Variants in ZNF343 observed in about 807,000 individuals in gnomAD.
ZNF343 encodes the protein zinc finger protein 343.
In ZNF343, 11 loss-of-function variants were observed where a neutral mutation model predicts 13.8. The observed-to-expected ratio is 0.80, with a 90% CI of 0.50 to 1.32. The LOEUF (loss-of-function observed/expected upper bound fraction) is 1.32. ZNF343 is among the 40% of genes most tolerant of loss of function. ZNF343 has a pLI of 0.00. For synonymous variants in ZNF343, 248 were observed against 260.0 expected (o/e 0.95, Z 0.44); for missense variants, 658 against 714.2 (o/e 0.92, Z 0.90).
chr20:2,502,463 G>A (rs1012369219), intron 1 of ZNF343, among the ~76,000 whole-genome samples: 50 of 152,096 alleles, frequency 3.3e-4, no homozygotes, highest in African/African-American at 1.2e-3. Context: ...TACAGAGAAC[G>A]CCACAAAGAT....
upstream of ZNF343, among the ~76,000 whole-genome samples, chr20:2,511,365 T>G (rs74905260): frequency 6.6e-6 from 1 of 152,022 alleles, no homozygotes; most frequent in Non-Finnish European, 1.5e-5. Flanking sequence ...CCACCTCAGC[T>G]TCCCAAAGTG....
intron 5 of ZNF343, chr20:2,492,132 G>T: frequency 6.4e-6 from 1 of 155,496 alleles, no homozygotes; most frequent in South Asian, 2.0e-4. Context: ...CATAGTTTAT[G>T]AAACCCCCAA....
At position 2,481,897 on chromosome 20, in the gene ZNF343, A is replaced by ATTT; in HGVS notation, c.*1263_*1264insAAA. 1 of 152,358 alleles carries ATTT rather than the reference A, an allele frequency of 6.6e-6. No individual in the cohort carries two copies. Among genetic ancestry groups the ATTT allele is most frequent in the East Asian group, 1.9e-4 (1 of 5,188 alleles). The allele number at this position is 152,358 out of a possible 1,614,324, so 9.4% of individuals were successfully genotyped here. On this transcript the variant is annotated 3_prime_UTR_variant, in exon 6 of 6. Coordinates refer to ENST00000278772, the MANE Select transcript of ZNF343 (RefSeq NM_024325.6). Reference sequence around the variant, plus strand: ...AGAAAAGAATGCTTATTTAACAGTTACTGCCATCTTCGCTCACATACAGAG... The same window carrying ATTT: ...AGAAAAGAATGCTTATTTAACAGTTATTTCTGCCATCTTCGCTCACATACAGAG...
At chr20:2,487,935 A>T (rs1314801864) in intron 5 of ZNF343, among the ~76,000 whole-genome samples, 3 of 152,234 alleles carry the variant, frequency 2.0e-5, no homozygotes, top group African/African-American at 7.2e-5. Context: ...CAAACATTTA[A>T]GGGACAATGT....
chr20:2,491,626 T>C (rs1254729832), intron 5 of ZNF343, among the ~76,000 whole-genome samples: 1 of 152,290 alleles, frequency 6.6e-6, no homozygotes, highest in Non-Finnish European at 1.5e-5. Context: ...TTATATTAAA[T>C]TCAAATTTCA....
At chr20:2,507,934 C>A (rs1351251309) in intron 1 of ZNF343, among the ~76,000 whole-genome samples, 1 of 152,110 alleles carries the variant, frequency 6.6e-6, no homozygotes, top group Non-Finnish European at 1.5e-5. Context: ...CAGACCTAAC[C>A]CTTCACAGCC....
In ZNF343 at chr20:2,484,065, C is replaced by A; in HGVS notation, c.896G>T (p.Cys299Phe). 9 of 1,614,248 alleles carry A rather than the reference C, an allele frequency of 5.6e-6. No individual in the cohort carries two copies. The highest frequency in any genetic ancestry group is 7.6e-6 in the Non-Finnish European group (9 of 1,180,034). The change falls in exon 6 of 6, where the codon TGC (cysteine) becomes TTC (phenylalanine). Residue 299 changes from cysteine to phenylalanine, a missense_variant. Cys to Phe is a radical substitution (Grantham distance 205). Transcript: ENST00000278772. ...RIHSMEKPYV[C>F]SECGRGFSQK... ...GCTAAAACCTCGCCCGCACTCACTG[C>A]ACACATAAGGCTTCTCCATCGAGTG... is the stretch of plus-strand genomic sequence containing the variant.
At chr20:2,519,638 C>T (rs1386252168) in intron 1 of ZNF343, among the ~76,000 whole-genome samples, 2 of 152,166 alleles carry the variant, frequency 1.3e-5, no homozygotes, top group African/African-American at 4.8e-5. Flanking sequence ...GGTTCTGTTT[C>T]TCTGGAGAAC....
intron 1 of ZNF343, among the ~76,000 whole-genome samples, chr20:2,520,507 C>G (rs1001570296): frequency 6.6e-6 from 1 of 152,164 alleles, no homozygotes; most frequent in East Asian, 1.9e-4. Flanking sequence ...ATATGTGCTA[C>G]CTATGCCTAG....
At chr20:2,488,378 A>G (rs2085314679) in intron 5 of ZNF343, among the ~76,000 whole-genome samples, 1 of 151,740 alleles carries the variant, frequency 6.6e-6, no homozygotes, top group Non-Finnish European at 1.5e-5. Context: ...TAAAATGTCC[A>G]TCTTTACTCC....
At chr20:2,486,175 G>A (rs185648527) in intron 5 of ZNF343, among the ~76,000 whole-genome samples, 26 of 152,226 alleles carry the variant, frequency 1.7e-4, no homozygotes, top group African/African-American at 6.3e-4. Flanking sequence ...AAGCATTTCA[G>A]TAGGAGAAGA....
In ZNF343 at chr20:2,522,604, C is replaced by T. The variant is rs567977757; in HGVS notation, c.-347+1851G>A. Among the ~76,000 whole-genome samples the T allele has an allele frequency of 8.7e-4, 133 of 152,308 alleles. 1 individual carries two copies. Among genetic ancestry groups the T allele is most frequent in the African/African-American group, 3.1e-3 (130 of 41,546 alleles). On this transcript the variant is annotated intron_variant, in intron 1 of 6. Transcript: ENST00000358413. ...TCAGTTTCAATTTTAACATAAGCTG[C>T]TTAATTACATTTATATTTACTCCGA...
chr20:2,502,878 T>C (rs1418406197), intron 1 of ZNF343, among the ~76,000 whole-genome samples: 13 of 152,142 alleles, frequency 8.5e-5, no homozygotes, highest in South Asian at 2.1e-4. Flanking sequence ...GTAAAGACCA[T>C]TGAGGCTAGG....
At chr20:2,498,088 G>A (rs566908517) in intron 2 of ZNF343, among the ~76,000 whole-genome samples, 9 of 152,334 alleles carry the variant, frequency 5.9e-5, no homozygotes, top group African/African-American at 2.2e-4. Context: ...CAGGCGTGGT[G>A]GCTCATGCCT....
At chr20:2,487,718 A>G (rs1251350437) in intron 5 of ZNF343, among the ~76,000 whole-genome samples, 1 of 152,244 alleles carries the variant, frequency 6.6e-6, no homozygotes, top group Admixed American at 6.5e-5. Flanking sequence ...GCATATGCAT[A>G]TATAGTTTCG....
At chr20:2,511,162 A>G (rs995669582), upstream of ZNF343, among the ~76,000 whole-genome samples, 1 of 149,634 alleles carries the variant, frequency 6.7e-6, no homozygotes, top group Non-Finnish European at 1.5e-5. Context: ...TTCAGGCTAG[A>G]GTGCGGTGGC....
chr20:2,490,312 C>T (rs890892554), intron 5 of ZNF343, among the ~76,000 whole-genome samples: 40 of 152,088 alleles, frequency 2.6e-4, no homozygotes, highest in Admixed American at 4.6e-4. Flanking sequence ...CTCCTACGGA[C>T]CCCTGCAGCC....
Position 2,493,500 on chromosome 20 carries a change from A to C in ZNF343, c.177+19T>G. ...GAGCCAGCACTTCAGGAAAAAAAAA[A>C]AATGTAACCCCAACTCACCACTATT... On this transcript the variant is annotated intron_variant, in intron 4 of 5. Transcript: ENST00000278772. 1 of 1,612,798 alleles carries C rather than the reference A, an allele frequency of 6.2e-7. No individual in the cohort carries two copies.
At chr20:2,513,508 C>T (rs888561630), upstream of ZNF343, among the ~76,000 whole-genome samples, 1 of 152,140 alleles carries the variant, frequency 6.6e-6, no homozygotes, top group African/African-American at 2.4e-5. Context: ...GAAATTAGAA[C>T]CCTTATACTG....
Sources: allele counts gnomAD v4.1 joint callset (sites outside exome capture counted in the v4.1 genomes callset), GRCh38; gene constraint gnomAD v4.1.1; transcripts MANE v1.5; gene names NCBI Gene and HGNC (gene_info 2026-07-23, HGNC 2026-07-21).